CMTM7: variants seen among roughly 807,000 people sequenced by gnomAD.
The protein encoded by CMTM7 is CKLF like MARVEL transmembrane domain containing 7, also known as CKLF-like MARVEL transmembrane domain-containing protein 7.
Under a neutral mutation model 19.3 loss-of-function variants are expected in CMTM7, and 7 were observed. The ratio of observed to expected loss-of-function variants is 0.36; its 90% confidence interval spans 0.21 to 0.68. CMTM7 has a LOEUF of 0.68. Ranked by LOEUF, CMTM7 falls within the 30% of genes least tolerant of loss-of-function variation. The pLI, the probability that CMTM7 is intolerant of heterozygous loss-of-function variation, is 0.60. For missense variants in CMTM7, 193 were observed against 232.6 expected (o/e 0.83, Z 1.11); for synonymous variants, 87 against 99.3 (o/e 0.88, Z 0.74).
chr3:32,441,099 C>T (rs865858591), intron 1 of CMTM7, among the ~76,000 whole-genome samples: 11 of 152,210 alleles, frequency 7.2e-5, no homozygotes, highest in South Asian at 4.1e-4. Context: ...AGAACCCGTC[C>T]ACCTTTCTCG....
intron 1 of CMTM7, among the ~76,000 whole-genome samples, chr3:32,397,852 A>G (rs1695941257): frequency 6.6e-6 from 1 of 152,168 alleles, no homozygotes; most frequent in Non-Finnish European, 1.5e-5. Flanking sequence ...TTTATTCAAG[A>G]TGGAGTCACT....
intron 1 of CMTM7, among the ~76,000 whole-genome samples, chr3:32,425,501 A>T (rs895196957): frequency 5.9e-5 from 9 of 151,286 alleles, no homozygotes; most frequent in East Asian, 5.8e-4. Context: ...AGGAAAAAAA[A>T]AAAAATAAAA....
chr3:32,410,921 T>G lies in CMTM7; in HGVS notation c.159+18856T>G, dbSNP rs188926598. ...CACCAGGAAACACTGAATAGTGGGA[T>G]TACTATATTGGATTAAAGGCTAAAA... On this transcript the variant is annotated intron_variant, in intron 1 of 4. Coordinates refer to ENST00000334983, the MANE Select transcript of CMTM7 (RefSeq NM_138410.4). Among the ~76,000 whole-genome samples the G allele has an allele frequency of 1.4e-3, 209 of 152,266 alleles. 2 individuals carry two copies. The highest frequency in any genetic ancestry group is 7.8e-4 in the Non-Finnish European group (53 of 68,010).
intron 2 of CMTM7, among the ~76,000 whole-genome samples, chr3:32,445,087 C>A (rs1696734471): frequency 6.6e-6 from 1 of 152,136 alleles, no homozygotes; most frequent in Non-Finnish European, 1.5e-5. Context: ...CTTAGTAGTT[C>A]TAATATATTT....
At chr3:32,443,722 A>C (rs72858825) in intron 2 of CMTM7, among the ~76,000 whole-genome samples, 2 of 152,202 alleles carry the variant, frequency 1.3e-5, no homozygotes, top group African/African-American at 4.8e-5. Flanking sequence ...CATCTTTGCC[A>C]ACACTTATTA....
intron 1 of CMTM7, among the ~76,000 whole-genome samples, chr3:32,436,784 G>C (rs1696604157): frequency 6.6e-6 from 1 of 152,082 alleles, no homozygotes. Flanking sequence ...CGAGGGCTCA[G>C]GTCTGCTGAG....
chr3:32,450,643 G>T (rs1420321865), intron 3 of CMTM7, among the ~76,000 whole-genome samples: 1 of 152,066 alleles, frequency 6.6e-6, no homozygotes, highest in Non-Finnish European at 1.5e-5. Flanking sequence ...ACACCTCTCT[G>T]CCCCCTCTCT....
intron 1 of CMTM7, among the ~76,000 whole-genome samples, chr3:32,410,695 C>T (rs867720604): frequency 1.3e-5 from 2 of 152,130 alleles, no homozygotes; most frequent in Non-Finnish European, 2.9e-5. Flanking sequence ...TCCCACCCCC[C>T]ACAGTTTGCG....
intron 2 of CMTM7, among the ~76,000 whole-genome samples, chr3:32,444,588 G>T (rs1053947447): frequency 2.0e-5 from 3 of 152,176 alleles, no homozygotes; most frequent in African/African-American, 7.2e-5. Context: ...ACAAAAATCA[G>T]CTGGGATTAT....
chr3:32,421,260 C>A (rs1440207686), intron 1 of CMTM7, among the ~76,000 whole-genome samples: 5 of 152,132 alleles, frequency 3.3e-5, no homozygotes, highest in Admixed American at 3.3e-4. Flanking sequence ...CAATAACCTT[C>A]ACTGGCTCCC....
chr3:32,452,291 G>T, intron 3 of CMTM7, 101 bp from the exon 4 acceptor site: 1 of 1,601,440 alleles, frequency 6.2e-7, no homozygotes. Context: ...TTTCTGGCCA[G>T]AGACATGAAG....
intron 1 of CMTM7, among the ~76,000 whole-genome samples, chr3:32,416,684 C>G (rs1696272354): frequency 6.6e-6 from 1 of 152,104 alleles, no homozygotes; most frequent in South Asian, 2.1e-4. Context: ...GCCACCACGC[C>G]CAACCATATG....
chr3:32,431,597 C>T (rs952321345), intron 1 of CMTM7, among the ~76,000 whole-genome samples: 3 of 152,028 alleles, frequency 2.0e-5, no homozygotes, highest in Admixed American at 1.3e-4. Flanking sequence ...TTTAGGCCCT[C>T]GACTGAAAAC....
intron 1 of CMTM7, among the ~76,000 whole-genome samples, chr3:32,411,136 G>T (rs935249441): frequency 1.3e-5 from 2 of 152,152 alleles, no homozygotes; most frequent in African/African-American, 2.4e-5. Flanking sequence ...AGGCAGAGCC[G>T]GCTTCCCTGT....
intron 1 of CMTM7, among the ~76,000 whole-genome samples, chr3:32,437,322 C>G (rs1273422091): frequency 6.6e-6 from 1 of 152,068 alleles, no homozygotes; most frequent in African/African-American, 2.4e-5. Context: ...CATGGCTGGG[C>G]ACCGTGGCTC....
intron 1 of CMTM7, among the ~76,000 whole-genome samples, chr3:32,409,267 G>A (rs1458745317): frequency 1.3e-5 from 2 of 152,030 alleles, no homozygotes; most frequent in Non-Finnish European, 2.9e-5. Flanking sequence ...CTTGCCCCAG[G>A]TTCTCCGTTT....
chr3:32,452,014 G>C (rs1559416416), intron 3 of CMTM7: 4 of 1,198,056 alleles, frequency 3.3e-6, no homozygotes, highest in Admixed American at 2.3e-5. Context: ...GGAACGTTCA[G>C]ATTTTTTTAA....
At chr3:32,446,088 G>A (rs1696749648) in intron 2 of CMTM7, among the ~76,000 whole-genome samples, 1 of 151,326 alleles carries the variant, frequency 6.6e-6, no homozygotes, top group African/African-American at 2.4e-5. Flanking sequence ...TGCAGAATTG[G>A]TATTAATTAT....
At chr3:32,445,013 G>C (rs915564792) in intron 2 of CMTM7, among the ~76,000 whole-genome samples, 2 of 152,106 alleles carry the variant, frequency 1.3e-5, no homozygotes, top group Non-Finnish European at 2.9e-5. Flanking sequence ...ATTGTTCATT[G>C]CAAGTGCATA....
Sources: gnomAD v4.1 joint callset for allele counts (sites outside exome capture counted in the v4.1 genomes callset) on GRCh38, gnomAD v4.1.1 for gene constraint, MANE v1.5 for transcripts, NCBI Gene and HGNC (gene_info 2026-07-23, HGNC 2026-07-21) for gene names.